IPO5: variants seen among roughly 807,000 people sequenced by gnomAD.
The protein encoded by IPO5 is importin 5, also known as importin-5.
IPO5 carries 18 observed loss-of-function variants against 143.3 expected under a neutral mutation model. That is an observed-to-expected ratio of 0.13 (90% CI 0.09 to 0.19). The LOEUF (loss-of-function observed/expected upper bound fraction) is 0.19, where lower values mean the gene tolerates loss of function less well. Among genes scored for constraint, IPO5 ranks in the 10% least tolerant of loss-of-function variants. IPO5 has a pLI of 1.00. For synonymous variants in IPO5, 477 were observed against 465.7 expected (o/e 1.02, Z -0.31); for missense variants, 1,013 against 1,336.9 (o/e 0.76, Z 3.78).
At position 97,990,423 on chromosome 13, in the gene IPO5, T is replaced by C. The variant is rs773059006; in HGVS notation, c.565-10T>C. 1.3e-6 allele frequency: 2 copies of C among 1,571,958 alleles called. No homozygotes were observed. The highest frequency in any genetic ancestry group is 2.3e-5 in the South Asian group (2 of 85,334). On this transcript the variant is annotated splice_polypyrimidine_tract_variant and intron_variant, in intron 8 of 28. Coordinates refer to ENST00000651721, the MANE Select transcript of IPO5 (RefSeq NM_002271.6). ...TTCTCATGTTTGACATTTTTTCCTC[T>C]TGATTTTAGATCAGGACGTTATCTG...
intron 13 of IPO5, 69 bp downstream of exon 13, chr13:98,000,714 T>G: frequency 1.1e-6 from 1 of 937,606 alleles, no homozygotes; most frequent in Non-Finnish European, 1.7e-6. Context: ...TTCTAAGATA[T>G]GTTTAGACTG....
chr13:97,997,630 T>C lies in IPO5; in HGVS notation c.1001+12T>C, dbSNP rs537206052. On this transcript the variant is annotated intron_variant, in intron 12 of 28. Transcript: ENST00000651721. Reference sequence around the variant, plus strand: ...GATGATTTTGACAGGTAATCAAACATTGTGTCCAGGGTGGCAGTGAAAGCC... The same window carrying C: ...GATGATTTTGACAGGTAATCAAACACTGTGTCCAGGGTGGCAGTGAAAGCC... The C allele has an allele frequency of 1.3e-6, 2 of 1,572,300 alleles. No homozygotes were observed. The highest frequency in any genetic ancestry group is 1.3e-5 in the African/African-American group (1 of 74,208).
At chr13:97,984,275 G>T (rs1030854351) in intron 5 of IPO5, among the ~76,000 whole-genome samples, 1 of 152,070 alleles carries the variant, frequency 6.6e-6, no homozygotes, top group African/African-American at 2.4e-5. Context: ...ACCGCGCCCG[G>T]CCTAGGGTAA....
At position 98,002,404 on chromosome 13, in the gene IPO5, C is replaced by G. The variant is rs956708164; in HGVS notation, c.1109-63C>G. On this transcript the variant is annotated intron_variant, in intron 13 of 28. Coordinates refer to ENST00000651721, the MANE Select transcript of IPO5 (RefSeq NM_002271.6). Reference sequence around the variant, plus strand: ...CAAATAAGAACTTTTATACATCTCCCTCTACCAGAATGACATGTTTATAGT... The same window carrying G: ...CAAATAAGAACTTTTATACATCTCCGTCTACCAGAATGACATGTTTATAGT... 15 of 1,506,324 alleles carry G rather than the reference C, an allele frequency of 1.0e-5. No homozygotes were observed. The African/African-American group carries it at 1.4e-4, about 14-fold the overall frequency. The allele number at this position is 1,506,324 out of a possible 1,614,324, so 93.3% of individuals were successfully genotyped here.
chr13:97,968,729 C>T (rs1885559038), intron 2 of IPO5, among the ~76,000 whole-genome samples: 1 of 152,176 alleles, frequency 6.6e-6, no homozygotes, highest in Admixed American at 6.5e-5. Flanking sequence ...CTTGCTCCGT[C>T]ACCCAGGCTG....
chr13:97,983,561 G>A (rs929975576), intron 5 of IPO5, among the ~76,000 whole-genome samples: 21 of 42,086 alleles, frequency 5.0e-4, no homozygotes, highest in Non-Finnish European at 7.9e-4. Flanking sequence ...CCGTCCCCCC[G>A]ATTATAAGTT....
intron 2 of IPO5, among the ~76,000 whole-genome samples, chr13:97,967,004 C>G (rs1240683944): frequency 2.6e-5 from 4 of 152,038 alleles, no homozygotes; most frequent in South Asian, 2.1e-4. Flanking sequence ...CCACTGCACT[C>G]CAGCCTGGGT....
intron 2 of IPO5, among the ~76,000 whole-genome samples, chr13:97,962,936 T>C (rs1885010020): frequency 1.3e-5 from 2 of 152,206 alleles, no homozygotes; most frequent in Admixed American, 6.5e-5. Context: ...AGGTTTGAGT[T>C]GATGTTGTAG....
chr13:97,969,397 T>C (rs983852058), intron 2 of IPO5, among the ~76,000 whole-genome samples: 11 of 151,512 alleles, frequency 7.3e-5, no homozygotes, highest in East Asian at 3.9e-4. Flanking sequence ...TTAGCCAGGA[T>C]GGTCTCCATC....
Position 98,006,424 on chromosome 13 carries a change from G to T in IPO5, c.1716+76G>T. On this transcript the variant is annotated intron_variant, in intron 17 of 28. Coordinates refer to ENST00000651721, the MANE Select transcript of IPO5 (RefSeq NM_002271.6). ...GAGTCTCGCTCTGTCACCCAGGCTGGAGTGCAGTGGCACGATCTCGGCTCA... is the reference window on the plus strand; with the variant it reads ...GAGTCTCGCTCTGTCACCCAGGCTGTAGTGCAGTGGCACGATCTCGGCTCA... 4 of 895,000 alleles carry T rather than the reference G, an allele frequency of 4.5e-6. No individual in the cohort carries two copies. The South Asian group carries it at 7.1e-5, about 16-fold the overall frequency. The allele number at this position is 895,000 out of a possible 1,614,324, so 55.4% of individuals were successfully genotyped here.
intron 4 of IPO5, 48 bp from the exon 5 acceptor site, chr13:97,982,455 T>G: frequency 8.0e-7 from 1 of 1,254,118 alleles, no homozygotes; most frequent in Admixed American, 1.8e-5. Context: ...GGTTTACTCA[T>G]GAAGTTTCCT....
chr13:97,962,511 A>C (rs2139499047), intron 2 of IPO5, among the ~76,000 whole-genome samples: 1 of 152,146 alleles, frequency 6.6e-6, no homozygotes. Flanking sequence ...TCCTCAAGAG[A>C]AAATGAACCA....
Position 97,954,068 on chromosome 13 carries a change from G to A in IPO5, c.-192-51G>A, listed in dbSNP as rs145645729. The A allele has an allele frequency of 4.5e-4, 142 of 318,332 alleles. 2 individuals are homozygous for A. In the Middle Eastern group the frequency reaches 0.012, roughly 26 times the overall value. 19.7% of individuals were successfully genotyped at this position (318,332 alleles called of 1,614,324 possible). A position where few individuals can be genotyped will look rare whatever the true frequency, so the allele number is the denominator to read the frequency against. On this transcript the variant is annotated intron_variant, in intron 1 of 28. Transcript: ENST00000651721. ...AAGAATGTGGGTTATTATCCTAAAG[G>A]TCTGTGTTGCCATCCTGAAACAGTC... is the stretch of plus-strand genomic sequence containing the variant.
chr13:98,008,108 C>G lies in IPO5; in HGVS notation c.1766C>G (p.Thr589Arg), dbSNP rs775340701. The G allele has an allele frequency of 6.2e-7, 1 of 1,611,560 alleles. No homozygotes were observed. Among genetic ancestry groups the G allele is most frequent in the Non-Finnish European group, 8.5e-7 (1 of 1,177,720 alleles). Residue 589 changes from threonine (T) to arginine (R), a missense_variant, in exon 18 of 29, where the codon ACA (threonine) becomes AGA (arginine). Around this residue, in one of 2 missense-constraint regions of IPO5, gnomAD observed 685 missense variants for 994.9 expected, o/e 0.69. Transcript: ENST00000651721. ...ATGCAGCTTTTGTTAAAGACCCAGA[C>G]AGACTTCAATGATATGGAAGATGAT... is the stretch of plus-strand genomic sequence containing the variant. ...DVMQLLLKTQ[T>R]DFNDMEDDDP...
rs1890345242 is a variant in IPO5 at position 98,019,565 on chromosome 13, C to G, written c.2837-16C>G. ...TGTGAGGTTTTAGCTGAACTTCTTT[C>G]AAATGCTTATTTTAGAAGCACTTCC... is the stretch of plus-strand genomic sequence containing the variant. On this transcript the variant is annotated splice_polypyrimidine_tract_variant and intron_variant, in intron 26 of 28. Transcript: ENST00000651721. 6.3e-7 allele frequency: 1 copy of G among 1,575,678 alleles called. No homozygotes were observed. The highest frequency in any genetic ancestry group is 1.1e-5 in the South Asian group (1 of 89,288).
intron 9 of IPO5, among the ~76,000 whole-genome samples, chr13:97,991,062 T>G (rs1887760336): frequency 6.6e-6 from 1 of 152,096 alleles, no homozygotes; most frequent in South Asian, 2.1e-4. Flanking sequence ...GGAAAAAAAT[T>G]TTATATTAAT....
At chr13:97,958,452 T>C (rs1884617333) in intron 2 of IPO5, among the ~76,000 whole-genome samples, 1 of 152,120 alleles carries the variant, frequency 6.6e-6, no homozygotes, top group African/African-American at 2.4e-5. Flanking sequence ...GGGAGAGGAC[T>C]CATCAAGAAA....
intron 11 of IPO5, among the ~76,000 whole-genome samples, chr13:97,994,678 C>T (rs935946894): frequency 1.5e-4 from 23 of 152,172 alleles, no homozygotes; most frequent in African/African-American, 5.1e-4. Context: ...ACAATTTTGA[C>T]GAATAAAGTG....
chr13:98,018,413 C>A, intron 25 of IPO5, 72 bp from the exon 26 acceptor site: 1 of 1,117,274 alleles, frequency 9.0e-7, no homozygotes, highest in Non-Finnish European at 1.3e-6. Context: ...AGCAGATAGT[C>A]TATAGTGAAT....
Sources: gnomAD v4.1 joint callset for allele counts (sites outside exome capture counted in the v4.1 genomes callset) on GRCh38, gnomAD v4.1.1 for gene constraint, gnomAD v4.1.1 regional missense constraint, MANE v1.5 for transcripts, NCBI Gene and HGNC (gene_info 2026-07-23, HGNC 2026-07-21) for gene names.